ADAMTS18: variants seen among roughly 807,000 people sequenced by gnomAD.
The protein encoded by ADAMTS18 is A disintegrin and metalloproteinase with thrombospondin motifs 18.
Under a neutral mutation model 165.9 loss-of-function variants are expected in ADAMTS18, and 157 were observed. The ratio of observed to expected loss-of-function variants is 0.95; its 90% CI spans 0.83 to 1.08. ADAMTS18 has a LOEUF of 1.08. Among genes scored for constraint, ADAMTS18 ranks in the 50% least tolerant of loss-of-function variants. The pLI is 0.00. For missense variants in ADAMTS18, 2,040 were observed against 1,534.0 expected (o/e 1.33, Z -5.51); for synonymous variants, 782 against 578.2 (o/e 1.35, Z -5.06).
chr16:77,400,272 C>T (rs1314888336), intron 3 of ADAMTS18, among the ~76,000 whole-genome samples: 2 of 152,062 alleles, frequency 1.3e-5, no homozygotes, highest in Non-Finnish European at 2.9e-5. Flanking sequence ...GCCAGCATTA[C>T]ATATCTTCGC....
chr16:77,312,283 C>T (rs1178545602), intron 16 of ADAMTS18, among the ~76,000 whole-genome samples: 3 of 151,762 alleles, frequency 2.0e-5, no homozygotes, highest in African/African-American at 7.3e-5. Flanking sequence ...GTCGCCCAGG[C>T]TGGAGTGCAA....
chr16:77,304,641 A>C (rs1336651381), intron 16 of ADAMTS18, among the ~76,000 whole-genome samples: 1 of 152,254 alleles, frequency 6.6e-6, no homozygotes, highest in African/African-American at 2.4e-5. Context: ...AATATTAAAC[A>C]GCAGTAAGGG....
intron 3 of ADAMTS18, among the ~76,000 whole-genome samples, chr16:77,412,511 A>T (rs1211558613): frequency 6.6e-6 from 1 of 152,074 alleles, no homozygotes; most frequent in Non-Finnish European, 1.5e-5. Context: ...TTCATGTATT[A>T]TAGAGATGGG....
intron 3 of ADAMTS18, among the ~76,000 whole-genome samples, chr16:77,388,113 C>CT (rs1272124075): frequency 6.6e-6 from 1 of 152,118 alleles, no homozygotes; most frequent in Non-Finnish European, 1.5e-5. Flanking sequence ...AGCTTTTCTT[C>CT]TTTTGAGATG....
intron 3 of ADAMTS18, among the ~76,000 whole-genome samples, chr16:77,400,474 GTGTGTGTTTTGT>G (rs1567541729): frequency 8.4e-6 from 1 of 119,086 alleles, no homozygotes; most frequent in African/African-American, 2.8e-5. Flanking sequence ...GTGTGTGTGT[GTGTGTGTTTTGT>G]TTTTTTTTTT....
intron 17 of ADAMTS18, among the ~76,000 whole-genome samples, chr16:77,298,129 GC>G (rs1177695446): frequency 6.6e-6 from 1 of 151,568 alleles, no homozygotes; most frequent in East Asian, 1.9e-4. Flanking sequence ...TGTTAGTCAG[GC>G]TGGTCTTGAA....
intron 19 of ADAMTS18, 72 bp downstream of exon 19, chr16:77,294,851 G>A: frequency 6.9e-7 from 1 of 1,441,244 alleles, no homozygotes; most frequent in Non-Finnish European, 9.7e-7. Flanking sequence ...GAGCCCAGTG[G>A]AGAGCAAAGA....
Position 77,289,289 on chromosome 16 carries a change from G to A in ADAMTS18, c.3525C>T (p.Asn1175=), listed in dbSNP as rs75915391. 3.2e-3 allele frequency: 5,126 copies of A among 1,614,138 alleles called. 142 individuals carry two copies. In the African/African-American group the frequency reaches 0.06, roughly 19 times the overall value. ...CTCTCTTTTCAGGAGCTGGACAGAA[G>A]TTTGTATTACAGGCTCGTAGCACCG... ...KPPVLRACNT[N]FCPAPEKRED... The change falls in exon 22 of 23, where the codon AAC becomes AAT. Residue 1175 remains asparagine (N), a synonymous_variant. Transcript: ENST00000282849.
At chr16:77,390,425 C>T (rs2057169564) in intron 3 of ADAMTS18, among the ~76,000 whole-genome samples, 1 of 152,070 alleles carries the variant, frequency 6.6e-6, no homozygotes, top group South Asian at 2.1e-4. Context: ...GGTGCGATGG[C>T]TCACATCTGT....
At chr16:77,396,895 C>T (rs1256829293) in intron 3 of ADAMTS18, among the ~76,000 whole-genome samples, 1 of 151,906 alleles carries the variant, frequency 6.6e-6, no homozygotes, top group Non-Finnish European at 1.5e-5. Flanking sequence ...CAACCTCTGC[C>T]CCCTGGATTC....
At chr16:77,428,484 A>C (rs1366547) in intron 3 of ADAMTS18, among the ~76,000 whole-genome samples, 64,361 of 152,012 alleles carry the variant, frequency 0.42, 14,395 homozygotes, top group Middle Eastern at 0.53. Flanking sequence ...CTACTTCACA[A>C]CTATCAATCA....
chr16:77,386,497 T>C (rs535282360), intron 3 of ADAMTS18, among the ~76,000 whole-genome samples: 115 of 152,332 alleles, frequency 7.5e-4, no homozygotes, highest in Middle Eastern at 6.8e-3. Flanking sequence ...AATTCCATTT[T>C]GTGTGTACAA....
intron 3 of ADAMTS18, among the ~76,000 whole-genome samples, chr16:77,422,711 T>C (rs1382922997): frequency 6.6e-6 from 1 of 152,080 alleles, no homozygotes; most frequent in Non-Finnish European, 1.5e-5. Flanking sequence ...GCCAAAAAAA[T>C]GCATATTTTT....
intron 12 of ADAMTS18, among the ~76,000 whole-genome samples, chr16:77,330,592 A>G (rs541718113): frequency 2.4e-4 from 36 of 152,286 alleles, no homozygotes; most frequent in African/African-American, 8.4e-4. Context: ...GACATTGGGA[A>G]GGTCCCTGAG....
At chr16:77,399,985 TTAAAA>T (rs2057304978) in intron 3 of ADAMTS18, among the ~76,000 whole-genome samples, 1 of 152,154 alleles carries the variant, frequency 6.6e-6, no homozygotes, top group South Asian at 2.1e-4. Flanking sequence ...TATGGGCTCT[TTAAAA>T]TAAGCAAAAA....
intron 3 of ADAMTS18, among the ~76,000 whole-genome samples, chr16:77,375,172 G>C (rs892963099): frequency 6.6e-6 from 1 of 152,094 alleles, no homozygotes; most frequent in East Asian, 1.9e-4. Flanking sequence ...AAATGGGAAT[G>C]AAATATTATT....
chr16:77,351,828 G>A (rs1469003197), intron 10 of ADAMTS18, among the ~76,000 whole-genome samples: 1 of 151,844 alleles, frequency 6.6e-6, no homozygotes, highest in Non-Finnish European at 1.5e-5. Flanking sequence ...TCAAACTCCT[G>A]GGCTCAAGTG....
In ADAMTS18 at chr16:77,349,616, C is replaced by T. The variant is rs186663495; in HGVS notation, c.1614+4117G>A. 1.1e-3 allele frequency among the ~76,000 whole-genome samples: 157 copies of T among 148,428 alleles called. 2 individuals are homozygous for T. Among genetic ancestry groups the T allele is most frequent in the African/African-American group, 3.7e-3 (149 of 40,238 alleles). On this transcript the variant is annotated intron_variant, in intron 10 of 22. Coordinates refer to ENST00000282849, the MANE Select transcript of ADAMTS18 (RefSeq NM_199355.4). ...CCCTACCCTGCTCTTACATGAAAAT[C>T]GTGTACTTCTCAATTTCCCGCCATT...
chr16:77,400,747 G>T (rs1567541991), intron 3 of ADAMTS18, among the ~76,000 whole-genome samples: 1 of 151,640 alleles, frequency 6.6e-6, no homozygotes, highest in Non-Finnish European at 1.5e-5. Context: ...GGGATTACAG[G>T]AGTGAGCCAC....
Sources: allele counts gnomAD v4.1 joint callset (sites outside exome capture counted in the v4.1 genomes callset), GRCh38; gene constraint gnomAD v4.1.1; transcripts MANE v1.5; gene names NCBI Gene and HGNC (gene_info 2026-07-23, HGNC 2026-07-21).